The following SPATS2L variants were observed in gnomAD, a reference collection of about 807,000 sequenced individuals.
SPATS2L encodes SPATS2-like protein.
SPATS2L carries 30 observed loss-of-function variants against 59.6 expected under a neutral mutation model. That is an observed-to-expected ratio of 0.50 (90% CI 0.38 to 0.68). The LOEUF (loss-of-function observed/expected upper bound fraction) is 0.68. Ranked by LOEUF, SPATS2L falls within the 30% of genes least tolerant of loss-of-function variation. The pLI, the probability that SPATS2L is intolerant of heterozygous loss-of-function variation, is 0.00. For missense variants in SPATS2L, 615 were observed against 700.0 expected, an observed-to-expected ratio of 0.88 and a Z score of 1.37; for synonymous variants, 252 against 263.5, an observed-to-expected ratio of 0.96 and a Z score of 0.42.
At chr2:200,359,986 G>A (rs2081043163) in intron 2 of SPATS2L, among the ~76,000 whole-genome samples, 1 of 152,106 alleles carries the variant, frequency 6.6e-6, no homozygotes. Context: ...ATATATTGGA[G>A]CTTATATTAA....
chr2:200,435,597 G>A (rs1413224105), intron 6 of SPATS2L, among the ~76,000 whole-genome samples: 3 of 152,002 alleles, frequency 2.0e-5, no homozygotes, highest in African/African-American at 7.2e-5. Context: ...ATGTATCTAC[G>A]AGATACCAAG....
At chr2:200,349,249 A>G (rs1199772431) in intron 2 of SPATS2L, among the ~76,000 whole-genome samples, 1 of 152,044 alleles carries the variant, frequency 6.6e-6, no homozygotes, top group Non-Finnish European at 1.5e-5. Flanking sequence ...AACATCTCAG[A>G]ATAGCAGGAC....
At chr2:200,409,505 A>T (rs960447129) in intron 3 of SPATS2L, among the ~76,000 whole-genome samples, 32 of 152,232 alleles carry the variant, frequency 2.1e-4, no homozygotes, top group African/African-American at 7.7e-4. Flanking sequence ...TTTCCATAGG[A>T]AAATAAACAT....
In SPATS2L at chr2:200,382,114, G is replaced by A. The variant is rs137858667; in HGVS notation, c.-22-7109G>A. ...TCTGTCACCCAGGCTGGAGTGCAGT[G>A]ACATGATCTTAGCTCACTGCAACTT... On this transcript the variant is annotated intron_variant, in intron 2 of 12. Coordinates refer to ENST00000409140, the MANE Select transcript of SPATS2L (RefSeq NM_001100423.2). Among the ~76,000 whole-genome samples, 467 of 152,236 alleles carry A rather than the reference G, an allele frequency of 3.1e-3. 3 individuals are homozygous for A. The highest frequency in any genetic ancestry group is 0.01 in the African/African-American group (430 of 41,522).
intron 6 of SPATS2L, among the ~76,000 whole-genome samples, chr2:200,437,480 T>C (rs1366953434): frequency 6.6e-6 from 1 of 152,180 alleles, no homozygotes; most frequent in African/African-American, 2.4e-5. Flanking sequence ...GGAAGTTGCA[T>C]GTGTAATAAG....
chr2:200,376,327 A>G (rs976738914), intron 2 of SPATS2L, among the ~76,000 whole-genome samples: 1 of 152,258 alleles, frequency 6.6e-6, no homozygotes, highest in Admixed American at 6.5e-5. Flanking sequence ...GATAGTAAAT[A>G]TGACCCCCTA....
chr2:200,404,171 C>T (rs1034573902), intron 3 of SPATS2L, among the ~76,000 whole-genome samples: 9 of 152,296 alleles, frequency 5.9e-5, no homozygotes, highest in Middle Eastern at 3.4e-3. Flanking sequence ...TCAGTGAACA[C>T]GCTCAGCACT....
intron 2 of SPATS2L, among the ~76,000 whole-genome samples, chr2:200,382,773 A>C (rs2081864893): frequency 6.6e-6 from 1 of 152,196 alleles, no homozygotes; most frequent in Non-Finnish European, 1.5e-5. Flanking sequence ...TGTGACGGTA[A>C]AATGAAAAAA....
chr2:200,469,542 TTTCTC>T (rs149497671), intron 10 of SPATS2L, among the ~76,000 whole-genome samples: 2,852 of 152,326 alleles, frequency 0.019, 74 homozygotes, highest in African/African-American at 0.062. Context: ...GACGACATGT[TTTCTC>T]TTGATGGTTA....
chr2:200,393,413 C>T (rs564882742), intron 3 of SPATS2L: 84 of 436,526 alleles, frequency 1.9e-4, no homozygotes, highest in Middle Eastern at 3.3e-4. Context: ...TTAAGAGCCA[C>T]AGTCATCCCA....
intron 6 of SPATS2L, among the ~76,000 whole-genome samples, chr2:200,422,294 T>C (rs1383768875): frequency 6.6e-6 from 1 of 152,176 alleles, no homozygotes; most frequent in East Asian, 1.9e-4. Context: ...CCCAGCGCTT[T>C]GGGAGGCTGA....
chr2:200,379,412 T>TA (rs768726244), intron 2 of SPATS2L, among the ~76,000 whole-genome samples: 1 of 152,218 alleles, frequency 6.6e-6, no homozygotes, highest in Non-Finnish European at 1.5e-5. Flanking sequence ...AAGAGTTCAG[T>TA]AAGTGTAGCT....
intron 3 of SPATS2L, among the ~76,000 whole-genome samples, chr2:200,410,409 CAACA>C (rs2082837063): frequency 3.0e-5 from 1 of 32,928 alleles, no homozygotes; most frequent in Non-Finnish European, 1.9e-4. Context: ...CAAAACAAAA[CAACA>C]AAAAAAAACC....
At chr2:200,360,677 T>C (rs1249511954) in intron 2 of SPATS2L, among the ~76,000 whole-genome samples, 1 of 152,160 alleles carries the variant, frequency 6.6e-6, no homozygotes, top group African/African-American at 2.4e-5. Flanking sequence ...CCTCACAATA[T>C]GGGATTTCCT....
chr2:200,462,357 G>A lies in SPATS2L; in HGVS notation c.847+2530G>A, dbSNP rs188281485. ...ACTTACTCAATCAGTAAACACACGC[G>A]CTTCCTTGTGTCCAGGATAAACAGC... On this transcript the variant is annotated intron_variant, in intron 9 of 12. Transcript: ENST00000409140. Among the ~76,000 whole-genome samples, 281 of 152,284 alleles carry A rather than the reference G, an allele frequency of 1.8e-3. 1 individual carries two copies. Among genetic ancestry groups the A allele is most frequent in the African/African-American group, 6.1e-3 (255 of 41,538 alleles).
In SPATS2L at chr2:200,419,403, A is replaced by C. The variant is rs2083211821; in HGVS notation, c.352A>C (p.Thr118Pro). 6.2e-7 allele frequency: 1 copy of C among 1,613,698 alleles called. No individual in the cohort carries two copies. The highest frequency in any genetic ancestry group is 8.5e-7 in the Non-Finnish European group (1 of 1,179,802). The change falls in exon 6 of 13, where the codon ACA becomes CCA. Residue 118 changes from threonine (T) to proline (P), a missense_variant. Around this residue, in one of 3 missense-constraint regions of SPATS2L, gnomAD observed 227 missense variants for 257.4 expected, o/e 0.88. Coordinates refer to ENST00000409140, the MANE Select transcript of SPATS2L (RefSeq NM_001100423.2). ...MNGCEKDSSS[T>P]DSANEKPALI... ...TGGCTGCGAGAAGGACAGCTCGTCCACAGATTCTGCTAACGAAAAACCAGC... is the reference window on the plus strand; with the variant it reads ...TGGCTGCGAGAAGGACAGCTCGTCCCCAGATTCTGCTAACGAAAAACCAGC...
chr2:200,376,780 C>A (rs2081614488), intron 2 of SPATS2L, among the ~76,000 whole-genome samples: 1 of 152,214 alleles, frequency 6.6e-6, no homozygotes. Flanking sequence ...CCTGAGAGTT[C>A]GTATTTCCTT....
At chr2:200,371,975 C>T (rs896896163) in intron 2 of SPATS2L, 9 of 957,788 alleles carry the variant, frequency 9.4e-6, no homozygotes, top group Middle Eastern at 5.3e-4. Flanking sequence ...CTGGCCCTGC[C>T]TGCAGGAAGA....
upstream of SPATS2L, chr2:200,306,396 T>G: frequency 1.2e-5 from 12 of 1,001,488 alleles, no homozygotes; most frequent in Non-Finnish European, 1.4e-5. Flanking sequence ...GGCGAGGAAG[T>G]CGGTCTGGAG....
Sources: gnomAD v4.1 joint callset for allele counts (sites outside exome capture counted in the v4.1 genomes callset) on GRCh38, gnomAD v4.1.1 for gene constraint, gnomAD v4.1.1 regional missense constraint, MANE v1.5 for transcripts, NCBI Gene and HGNC (gene_info 2026-07-23, HGNC 2026-07-21) for gene names.